Variants in SRRM1 observed in about 807,000 individuals in gnomAD.
SRRM1 encodes serine and arginine repetitive matrix 1.
In SRRM1, 19 loss-of-function variants were observed where a neutral mutation model predicts 110.2. The ratio of observed to expected loss-of-function variants is 0.17; its 90% CI spans 0.12 to 0.25. The LOEUF (loss-of-function observed/expected upper bound fraction) is 0.25, where lower values mean the gene tolerates loss of function less well. Ranked by LOEUF, SRRM1 falls within the 10% of genes least tolerant of loss-of-function variation. The pLI, the probability that SRRM1 is intolerant of heterozygous loss-of-function variation, is 1.00. For missense variants in SRRM1, 918 were observed against 1,145.8 expected (o/e 0.80, Z 2.87); for synonymous variants, 443 against 414.9 (o/e 1.07, Z -0.82).
intron 11 of SRRM1, 98 bp from the exon 12 acceptor site, chr1:24,662,562 C>T (rs1019485969): frequency 1.0e-5 from 12 of 1,195,874 alleles, no homozygotes; most frequent in Non-Finnish European, 1.2e-5. Context: ...TACATGCTTG[C>T]TTACCCTAGT....
At position 24,661,403 on chromosome 1, in the gene SRRM1, A is replaced by G. The variant is rs369638056; in HGVS notation, c.1483+7A>G. ...AACCAGCAGTCTTCATCTGGTATGG[A>G]TGGTGATGAAAGTTTTTTTTCTACC... On this transcript the variant is annotated splice_region_variant and intron_variant, in intron 11 of 16. Coordinates refer to ENST00000323848, the MANE Select transcript of SRRM1 (RefSeq NM_005839.4). The G allele has an allele frequency of 1.0e-5, 16 of 1,606,132 alleles. No individual in the cohort carries two copies. Among genetic ancestry groups the G allele is most frequent in the Non-Finnish European group, 1.4e-5 (16 of 1,175,402 alleles).
rs769022631 is a variant in SRRM1, at chr1:24,645,989, A to G, written c.27A>G (p.Thr9=). Residue 9 remains threonine, a synonymous_variant, in exon 2 of 17, where the codon ACA becomes ACG. Transcript: ENST00000323848. Reference sequence around the variant, plus strand: ...ATGTGGTTCTCTTCCTGCAGGGAACAAGTGCAGAACAGGATAATCGGTTCA... The same window carrying G: ...ATGTGGTTCTCTTCCTGCAGGGAACGAGTGCAGAACAGGATAATCGGTTCA... MDAGFFRG[T]SAEQDNRFSN... 6.2e-7 allele frequency: 1 copy of G among 1,613,360 alleles called. No homozygotes were observed. Among genetic ancestry groups the G allele is most frequent in the African/African-American group, 1.3e-5 (1 of 74,922 alleles).
At position 24,666,972 on chromosome 1, in the gene SRRM1, G is replaced by A. The variant is rs201459805; in HGVS notation, c.1739+47G>A. 1.0e-4 allele frequency: 117 copies of A among 1,161,288 alleles called. No individual in the cohort carries two copies. The Admixed American group carries it at 1.3e-3, about 13-fold the overall frequency. 71.9% of individuals were successfully genotyped at this position (1,161,288 alleles called of 1,614,324 possible). ...CTGGAGCATCTCCCCAACTCCCCCC[G>A]CCCCTGATAACATCAGATGAGTAAT... is the stretch of plus-strand genomic sequence containing the variant. On this transcript the variant is annotated intron_variant, in intron 13 of 16. Coordinates refer to ENST00000323848, the MANE Select transcript of SRRM1 (RefSeq NM_005839.4).
chr1:24,652,823 T>A, intron 7 of SRRM1, 90 bp from the exon 8 acceptor site: 2 of 1,479,968 alleles, frequency 1.4e-6, no homozygotes, highest in Middle Eastern at 2.0e-4. Context: ...TCTTTGAAAT[T>A]TATTTTTTAG....
At position 24,670,226 on chromosome 1, in the gene SRRM1, G is replaced by A. The variant is rs761948922; in HGVS notation, c.2311G>A (p.Val771Ile). The change falls in exon 15 of 17, where the codon GTC becomes ATC. Residue 771 changes from valine to isoleucine, a missense_variant. Around this residue, in one of 5 missense-constraint regions of SRRM1, gnomAD observed 357 missense variants for 402.9 expected, o/e 0.89. Transcript: ENST00000323848. ...AAAGCCCCCAGCACCTCCATCCCCC[G>A]TCCAGTCTCAGTCACCGTCTACAAA... Reference protein sequence around the residue: ...AKKPPAPPSPVQSQSPSTNWS... With the variant: ...AKKPPAPPSPIQSQSPSTNWS... 6 of 1,613,760 alleles carry A rather than the reference G, an allele frequency of 3.7e-6. No individual in the cohort carries two copies. The highest frequency in any genetic ancestry group is 1.3e-5 in the African/African-American group (1 of 74,824).
chr1:24,670,248 C>T lies in SRRM1; in HGVS notation c.2333C>T (p.Thr778Ile), dbSNP rs935206641. 2 of 1,614,200 alleles carry T rather than the reference C, an allele frequency of 1.2e-6. No individual in the cohort carries two copies. The highest frequency in any genetic ancestry group is 1.7e-6 in the Non-Finnish European group (2 of 1,180,032). ...CCCGTCCAGTCTCAGTCACCGTCTA[C>T]AAACTGGTCACCAGCTGTACCGGTC... ...PSPVQSQSPS[T>I]NWSPAVPVKK... The change falls in exon 15 of 17, where the codon ACA becomes ATA. Residue 778 changes from threonine to isoleucine, a missense_variant. Transcript: ENST00000323848.
In SRRM1 at chr1:24,651,532, A is replaced by G; in HGVS notation, c.645A>G (p.Glu215=). 3 of 1,614,148 alleles carry G rather than the reference A, an allele frequency of 1.9e-6. No homozygotes were observed. The East Asian group carries it at 6.7e-5, about 36-fold the overall frequency. Residue 215 remains glutamate, a synonymous_variant, in exon 6 of 17, where the codon GAA becomes GAG. Coordinates refer to ENST00000323848, the MANE Select transcript of SRRM1 (RefSeq NM_005839.4). ...TKSRSPSPAP[E]KKEKTPELPE... is the part of the protein sequence containing the mutation. ...GCCGGAGTCCTTCCCCTGCTCCAGA[A>G]AAGAAGGAAAAAACTCCAGAGCTCC... is the stretch of plus-strand genomic sequence containing the variant.
chr1:24,646,110 G>A (rs1054417633), intron 2 of SRRM1, 37 bp downstream of exon 2: 3 of 1,487,052 alleles, frequency 2.0e-6, no homozygotes, highest in African/African-American at 2.8e-5. Context: ...CATCTTTATA[G>A]CACACTTACT....
chr1:24,655,246 A>G lies in SRRM1; in HGVS notation c.1315+117A>G, dbSNP rs889143039. ...AATAGCTAGATAATATTTGTATCTA[A>G]TACTCTCTGTAGGTTTACTTATAAG... is the stretch of plus-strand genomic sequence containing the variant. On this transcript the variant is annotated intron_variant, in intron 9 of 16. Coordinates refer to ENST00000323848, the MANE Select transcript of SRRM1 (RefSeq NM_005839.4). 9 of 1,155,442 alleles carry G rather than the reference A, an allele frequency of 7.8e-6. No individual in the cohort carries two copies. In the African/African-American group the frequency reaches 1.2e-4, roughly 16 times the overall value. 71.6% of individuals were successfully genotyped at this position (1,155,442 alleles called of 1,614,324 possible). A position where few individuals can be genotyped will look rare whatever the true frequency, so the allele number is the denominator to read the frequency against.
intron 13 of SRRM1, among the ~76,000 whole-genome samples, chr1:24,667,933 G>A (rs1571095693): frequency 1.5e-5 from 2 of 130,322 alleles, no homozygotes; most frequent in Admixed American, 1.6e-4. Flanking sequence ...GCTCGGATAT[G>A]TTGCCAAGCA....
At chr1:24,669,657 C>A in intron 14 of SRRM1, 70 bp downstream of exon 14, 3 of 1,177,540 alleles carry the variant, frequency 2.5e-6, no homozygotes, top group Admixed American at 2.7e-5. Context: ...CTTCCCCCCA[C>A]CCCCATATAA....
At position 24,661,415 on chromosome 1, in the gene SRRM1, GT is replaced by G. The variant is rs1667150207; in HGVS notation, c.1483+27del. 5 of 1,586,880 alleles carry G rather than the reference GT, an allele frequency of 3.2e-6. No homozygotes were observed. Among genetic ancestry groups the G allele is most frequent in the Non-Finnish European group, 3.4e-6 (4 of 1,159,926 alleles). ...TCATCTGGTATGGATGGTGATGAAA[GT>G]TTTTTTTCTACCTGTATTTCCTATT... On this transcript the variant is annotated intron_variant, in intron 11 of 16. Coordinates refer to ENST00000323848, the MANE Select transcript of SRRM1 (RefSeq NM_005839.4).
intron 9 of SRRM1, among the ~76,000 whole-genome samples, chr1:24,659,760 T>C (rs537345568): frequency 6.6e-6 from 1 of 152,176 alleles, no homozygotes; most frequent in Non-Finnish European, 1.5e-5. Context: ...GTGTTAATAG[T>C]GTGTCTAATA....
chr1:24,656,748 T>C (rs1232645979), intron 9 of SRRM1, among the ~76,000 whole-genome samples: 1 of 152,200 alleles, frequency 6.6e-6, no homozygotes. Flanking sequence ...TTATATCATA[T>C]AGCCTAAGAG....
At chr1:24,667,511 A>C (rs557598395) in intron 13 of SRRM1, among the ~76,000 whole-genome samples, 2 of 152,238 alleles carry the variant, frequency 1.3e-5, no homozygotes, top group Non-Finnish European at 2.9e-5. Flanking sequence ...CCTCTGTAGT[A>C]TGCTTACCAA....
rs769052706 is a variant in SRRM1, at chr1:24,649,049, T to G, written c.405+20T>G. 1 of 1,606,672 alleles carries G rather than the reference T, an allele frequency of 6.2e-7. No homozygotes were observed. The highest frequency in any genetic ancestry group is 1.3e-5 in the African/African-American group (1 of 74,296). On this transcript the variant is annotated intron_variant, in intron 4 of 16. Coordinates refer to ENST00000323848, the MANE Select transcript of SRRM1 (RefSeq NM_005839.4). ...AGACAGGTAATAACCTTTTCTTTTCTGTAATGTCGATTTGAGAGTATTGGC... is the reference window on the plus strand; with the variant it reads ...AGACAGGTAATAACCTTTTCTTTTCGGTAATGTCGATTTGAGAGTATTGGC...
intron 8 of SRRM1, 116 bp downstream of exon 8, chr1:24,653,148 A>G: frequency 1.0e-6 from 1 of 992,500 alleles, no homozygotes; most frequent in African/African-American, 1.7e-5. Context: ...GTGATATTAG[A>G]CAATGTCTTC....
At chr1:24,658,234 G>A (rs564431757) in intron 9 of SRRM1, among the ~76,000 whole-genome samples, 101 of 143,694 alleles carry the variant, frequency 7.0e-4, no homozygotes, top group African/African-American at 2.6e-3. Flanking sequence ...TTTTGGAGAC[G>A]GAGTCTTGCT....
At chr1:24,643,445 CT>C (rs1654901796) in intron 1 of SRRM1, 98 bp downstream of exon 1, 1 of 984,038 alleles carries the variant, frequency 1.0e-6, no homozygotes, top group African/African-American at 1.8e-5. Context: ...GCGAGGGGAG[CT>C]TCGGAGATCT....
Sources: gnomAD v4.1 joint callset for allele counts (sites outside exome capture counted in the v4.1 genomes callset) on GRCh38, gnomAD v4.1.1 for gene constraint, gnomAD v4.1.1 regional missense constraint, MANE v1.5 for transcripts, NCBI Gene and HGNC (gene_info 2026-07-23, HGNC 2026-07-21) for gene names.